Variants in FAM118B observed in about 807,000 individuals in gnomAD.
FAM118B encodes the protein protein FAM118B.
A neutral mutation model predicts 38.5 loss-of-function variants in FAM118B; 24 were observed. The ratio of observed to expected loss-of-function variants is 0.62; its 90% CI spans 0.45 to 0.88. The LOEUF (loss-of-function observed/expected upper bound fraction) is 0.88. Ranked by LOEUF, FAM118B falls within the 40% of genes least tolerant of loss-of-function variation. The pLI, the probability that FAM118B is intolerant of heterozygous loss-of-function variation, is 0.00. For synonymous variants in FAM118B, 138 were observed against 156.3 expected (o/e 0.88, Z 0.87); for missense variants, 334 against 420.0 (o/e 0.80, Z 1.79).
chr11:126,218,388 G>A (rs1430434780), intron 1 of FAM118B, among the ~76,000 whole-genome samples: 2 of 152,136 alleles, frequency 1.3e-5, no homozygotes, highest in Non-Finnish European at 2.9e-5. Context: ...AGAGAGCACT[G>A]GATTGAGAAG....
At chr11:126,249,648 T>C (rs574608198) in intron 4 of FAM118B, among the ~76,000 whole-genome samples, 20 of 149,830 alleles carry the variant, frequency 1.3e-4, no homozygotes, top group African/African-American at 4.9e-4. Flanking sequence ...GGAGAATTGC[T>C]TGAACCTGGC....
chr11:126,222,635 A>G (rs1161159188), intron 1 of FAM118B, among the ~76,000 whole-genome samples: 1 of 152,264 alleles, frequency 6.6e-6, no homozygotes, highest in African/African-American at 2.4e-5. Flanking sequence ...GGTGGATATC[A>G]GCACGGAAGG....
intron 1 of FAM118B, among the ~76,000 whole-genome samples, chr11:126,223,111 G>A (rs910723588): frequency 6.8e-6 from 1 of 146,062 alleles, no homozygotes; most frequent in East Asian, 2.2e-4. Flanking sequence ...GGAGGGGGGG[G>A]TGTTCAAGCA....
intron 1 of FAM118B, among the ~76,000 whole-genome samples, chr11:126,220,129 A>G (rs193076096): frequency 9.9e-4 from 150 of 152,270 alleles, no homozygotes; most frequent in African/African-American, 3.5e-3. Context: ...CGTTGGAGGA[A>G]GGGGGGCTTC....
In FAM118B at chr11:126,256,902, G is replaced by A. The variant is rs1210605960; in HGVS notation, c.982+50G>A. Reference sequence around the variant, plus strand: ...GGAATCAGAGAACAACAGCTCTTCAGCCTTTTGTGTATTTGTGATGTGATG... The same window carrying A: ...GGAATCAGAGAACAACAGCTCTTCAACCTTTTGTGTATTTGTGATGTGATG... On this transcript the variant is annotated intron_variant, in intron 7 of 8. Coordinates refer to ENST00000533050, the MANE Select transcript of FAM118B (RefSeq NM_024556.4). This position sits in a 1 kb window ranked among gnomAD's most constrained non-coding sequence, Gnocchi z 6.6. 2.0e-6 allele frequency: 3 copies of A among 1,537,646 alleles called. No individual in the cohort carries two copies. Among genetic ancestry groups the A allele is most frequent in the African/African-American group, 2.8e-5 (2 of 72,526 alleles).
At chr11:126,213,195 G>A (rs1949914625) in intron 1 of FAM118B, among the ~76,000 whole-genome samples, 1 of 152,122 alleles carries the variant, frequency 6.6e-6, no homozygotes, top group Admixed American at 6.5e-5. Context: ...TGGCTGAAGT[G>A]CATCATAAAT....
In FAM118B at chr11:126,223,457, G is replaced by T. The variant is rs532944639; in HGVS notation, c.-76-5768G>T. ...ACTAAAAATACAAAAAATTAGCCGG[G>T]TGTGGTGGCGGGCGCCTGTAGTCCC... On this transcript the variant is annotated intron_variant, in intron 1 of 8. Coordinates refer to ENST00000533050, the MANE Select transcript of FAM118B (RefSeq NM_024556.4). 4.5e-3 allele frequency among the ~76,000 whole-genome samples: 689 copies of T among 152,178 alleles called. 6 individuals are homozygous for T. Among genetic ancestry groups the T allele is most frequent in the Non-Finnish European group, 8.1e-3 (554 of 68,002 alleles).
intron 1 of FAM118B, among the ~76,000 whole-genome samples, chr11:126,217,467 T>A (rs1488637918): frequency 6.6e-6 from 1 of 152,258 alleles, no homozygotes; most frequent in Admixed American, 6.5e-5. Flanking sequence ...GATGATCTAT[T>A]ACAGTGTGTT....
chr11:126,260,043 T>C (rs1436857161), intron 7 of FAM118B, among the ~76,000 whole-genome samples: 1 of 152,076 alleles, frequency 6.6e-6, no homozygotes, highest in Non-Finnish European at 1.5e-5. Flanking sequence ...TTATTATTAC[T>C]ATTTTTGATA....
chr11:126,232,519 G>A (rs975154181), intron 2 of FAM118B, among the ~76,000 whole-genome samples: 8 of 152,034 alleles, frequency 5.3e-5, no homozygotes, highest in African/African-American at 1.7e-4. Flanking sequence ...AACTTAATAA[G>A]CATGAACTTC....
chr11:126,240,906 G>A lies in FAM118B; in HGVS notation c.201G>A (p.Gly67=), dbSNP rs138636455. ...PQVPALKSWK[G]LIQALLDAAI... ...TTCCAGCCCTCAAATCCTGGAAGGG[G>A]TTAATTCAGGCCTTACTGGATGCTG... The change falls in exon 4 of 9, where the codon GGG becomes GGA. Residue 67 remains glycine (G), a synonymous_variant. Transcript: ENST00000533050. 9 of 1,614,078 alleles carry A rather than the reference G, an allele frequency of 5.6e-6. No homozygotes were observed. The highest frequency in any genetic ancestry group is 6.8e-6 in the Non-Finnish European group (8 of 1,180,044).
At position 126,262,317 on chromosome 11, in the gene FAM118B, A is replaced by T; in HGVS notation, c.*184A>T. The T allele has an allele frequency of 3.5e-6, 2 of 575,410 alleles. No individual in the cohort carries two copies. Among genetic ancestry groups the T allele is most frequent in the Non-Finnish European group, 3.1e-6 (1 of 327,268 alleles). The allele number at this position is 575,410 out of a possible 1,614,324, so 35.6% of individuals were successfully genotyped here. A position where few individuals can be genotyped will look rare whatever the true frequency, so the allele number is the denominator to read the frequency against. ...AATCCTTCATACCACCTGGTTCTTG[A>T]TATTCTGCCGCCTGTTCAAGTTCAA... On this transcript the variant is annotated 3_prime_UTR_variant, in exon 9 of 9. Transcript: ENST00000533050.
In FAM118B at chr11:126,256,071, G is replaced by A. The variant is rs772401539; in HGVS notation, c.697-496G>A. Among the ~76,000 whole-genome samples the A allele has an allele frequency of 1.5e-4, 23 of 152,238 alleles. No homozygotes were observed. The highest frequency in any genetic ancestry group is 3.1e-4 in the Non-Finnish European group (21 of 68,044). ...GGATCACTCGAGGTCGGGAGTACCA[G>A]ACCAGCCTGGCCAACATGGCAAAAC... On this transcript the variant is annotated intron_variant, in intron 6 of 8. Coordinates refer to ENST00000533050, the MANE Select transcript of FAM118B (RefSeq NM_024556.4). This position sits in a 1 kb window ranked among gnomAD's most constrained non-coding sequence, Gnocchi z 6.6.
At chr11:126,228,192 A>G (rs1422460928) in intron 1 of FAM118B, among the ~76,000 whole-genome samples, 3 of 142,410 alleles carry the variant, frequency 2.1e-5, no homozygotes, top group Non-Finnish European at 3.1e-5. Context: ...TTTACTAAAC[A>G]TTTTTTTTTT....
intron 1 of FAM118B, among the ~76,000 whole-genome samples, chr11:126,213,527 G>C (rs1949921088): frequency 6.6e-6 from 1 of 152,124 alleles, no homozygotes; most frequent in Admixed American, 6.5e-5. Context: ...AATTTCACTT[G>C]AACATCACAT....
chr11:126,255,490 T>C lies in FAM118B; in HGVS notation c.696+1057T>C, dbSNP rs1429150390. ...CTGTGTTTTTGTGTGTGTATATGTA[T>C]ACACACACACACACATACTGATGTT... On this transcript the variant is annotated intron_variant, in intron 6 of 8. Coordinates refer to ENST00000533050, the MANE Select transcript of FAM118B (RefSeq NM_024556.4). This position sits in a 1 kb window ranked among gnomAD's most constrained non-coding sequence, Gnocchi z 4.6. Among the ~76,000 whole-genome samples the C allele has an allele frequency of 4.6e-5, 7 of 151,732 alleles. No homozygotes were observed. The highest frequency in any genetic ancestry group is 4.2e-4 in the South Asian group (2 of 4,814).
At chr11:126,254,482 C>G in intron 6 of FAM118B, 49 bp downstream of exon 6, 2 of 1,607,118 alleles carry the variant, frequency 1.2e-6, no homozygotes, top group Non-Finnish European at 1.7e-6. Context: ...CCTGGGAAAT[C>G]TCTCTAAATA....
At chr11:126,232,194 C>G (rs1473843479) in intron 2 of FAM118B, among the ~76,000 whole-genome samples, 1 of 152,044 alleles carries the variant, frequency 6.6e-6, no homozygotes, top group Admixed American at 6.6e-5. Context: ...TTATACTTAA[C>G]GGTTGAGCAT....
At chr11:126,242,024 C>CA (rs60865966) in intron 4 of FAM118B, among the ~76,000 whole-genome samples, 87 of 88,330 alleles carry the variant, frequency 9.8e-4, no homozygotes, top group Admixed American at 2.8e-3. Flanking sequence ...GACTCCGTCT[C>CA]AAAAAAAAAA....
Sources: gnomAD v4.1 joint callset for allele counts (sites outside exome capture counted in the v4.1 genomes callset) on GRCh38, gnomAD v4.1.1 for gene constraint, Gnocchi (gnomAD v3.1) non-coding constraint, MANE v1.5 for transcripts, NCBI Gene and HGNC (gene_info 2026-07-23, HGNC 2026-07-21) for gene names.